ST6GALNAC3: variants seen among roughly 807,000 people sequenced by gnomAD.
ST6GALNAC3 encodes ST6 N-acetylgalactosaminide alpha-2,6-sialyltransferase 3.
In ST6GALNAC3, 25 loss-of-function variants were observed where a neutral mutation model predicts 32.7. The ratio of observed to expected loss-of-function variants is 0.76; its 90% confidence interval spans 0.56 to 1.07. ST6GALNAC3 has a LOEUF of 1.07. ST6GALNAC3 is among the 50% of genes least tolerant of loss of function. The pLI is 0.00. For missense variants in ST6GALNAC3, 355 were observed against 382.4 expected (o/e 0.93, Z 0.60); for synonymous variants, 129 against 133.1 (o/e 0.97, Z 0.21).
At chr1:76,423,170 A>G (rs565329707) in intron 3 of ST6GALNAC3, among the ~76,000 whole-genome samples, 1 of 152,132 alleles carries the variant, frequency 6.6e-6, no homozygotes, top group East Asian at 1.9e-4. Flanking sequence ...GCACTGTTTG[A>G]CAACTGCCAT....
intron 3 of ST6GALNAC3, chr1:76,577,130 T>C (rs1055204676): frequency 2.8e-6 from 3 of 1,065,918 alleles, no homozygotes; most frequent in Non-Finnish European, 3.4e-6. Flanking sequence ...GGTATGTAAA[T>C]ATTTTTAAAT....
At position 76,509,373 on chromosome 1, in the gene ST6GALNAC3, T is replaced by C. The variant is rs965181178; in HGVS notation, c.623+96956T>C. On this transcript the variant is annotated intron_variant, in intron 3 of 4. Transcript: ENST00000328299. The surrounding 1 kb of genome is among the most constrained non-coding windows in gnomAD (Gnocchi z 5.5). ...ACTTCATATTAAGAATGGGTGGAAA[T>C]TTATAATATTGGGGTTTGGCTGATG... Among the ~76,000 whole-genome samples the C allele has an allele frequency of 6.6e-6, 1 of 152,090 alleles. No individual in the cohort carries two copies. Among genetic ancestry groups the C allele is most frequent in the Non-Finnish European group, 1.5e-5 (1 of 68,018 alleles).
intron 3 of ST6GALNAC3, chr1:76,576,879 C>G (rs556779671): frequency 7.7e-6 from 10 of 1,304,728 alleles, no homozygotes; most frequent in Non-Finnish European, 1.0e-5. Flanking sequence ...ATTGATCGAA[C>G]AGCAACCACC....
intron 3 of ST6GALNAC3, among the ~76,000 whole-genome samples, chr1:76,418,114 G>A (rs898220394): frequency 6.6e-6 from 1 of 152,066 alleles, no homozygotes; most frequent in African/African-American, 2.4e-5. Context: ...CTATCTTTGG[G>A]GGTGACAGTT....
chr1:76,393,667 G>A (rs1273111206), intron 2 of ST6GALNAC3, among the ~76,000 whole-genome samples: 1 of 152,146 alleles, frequency 6.6e-6, no homozygotes. Context: ...TATAAGTCCT[G>A]AAGGGAATCC....
At chr1:76,181,159 C>T (rs1230826109) in intron 1 of ST6GALNAC3, among the ~76,000 whole-genome samples, 2 of 152,204 alleles carry the variant, frequency 1.3e-5, no homozygotes, top group Non-Finnish European at 2.9e-5. Context: ...ATGGTGGTGA[C>T]TGAACAGACA....
intron 1 of ST6GALNAC3, among the ~76,000 whole-genome samples, chr1:76,111,188 AATT>A (rs578001491): frequency 6.8e-4 from 104 of 152,290 alleles, no homozygotes; most frequent in African/African-American, 2.4e-3. Context: ...TTTTTGAGTG[AATT>A]ATTTTGTGAA....
At chr1:76,623,069 C>T (rs1216063706) in intron 3 of ST6GALNAC3, among the ~76,000 whole-genome samples, 1 of 151,880 alleles carries the variant, frequency 6.6e-6, no homozygotes, top group Non-Finnish European at 1.5e-5. Flanking sequence ...GACGAGGAAT[C>T]CCTGTATCCA....
intron 3 of ST6GALNAC3, among the ~76,000 whole-genome samples, chr1:76,567,493 A>G (rs1474247812): frequency 6.6e-6 from 1 of 152,204 alleles, no homozygotes; most frequent in African/African-American, 2.4e-5. Flanking sequence ...CTAACAAGAC[A>G]ATGTTATAAA....
intron 1 of ST6GALNAC3, among the ~76,000 whole-genome samples, chr1:76,220,350 T>G (rs1160828769): frequency 6.6e-6 from 1 of 152,212 alleles, no homozygotes; most frequent in Non-Finnish European, 1.5e-5. Flanking sequence ...TCCTCTTTGC[T>G]TACAGTTCTT....
intron 1 of ST6GALNAC3, among the ~76,000 whole-genome samples, chr1:76,179,380 A>G (rs916349375): frequency 3.3e-5 from 5 of 152,134 alleles, no homozygotes; most frequent in Non-Finnish European, 5.9e-5. Context: ...ATGTTAAAAT[A>G]GTGAATCCCT....
chr1:76,110,399 C>A (rs961859472), intron 1 of ST6GALNAC3, among the ~76,000 whole-genome samples: 1 of 152,238 alleles, frequency 6.6e-6, no homozygotes, highest in Non-Finnish European at 1.5e-5. Flanking sequence ...CAAAAACAAA[C>A]CTGCACAGTT....
intron 1 of ST6GALNAC3, among the ~76,000 whole-genome samples, chr1:76,220,195 T>A (rs1262888495): frequency 6.6e-6 from 1 of 152,188 alleles, no homozygotes; most frequent in African/African-American, 2.4e-5. Context: ...CAGAATAAAC[T>A]TTCTTGAATT....
At chr1:76,442,198 A>G (rs1309568831) in intron 3 of ST6GALNAC3, among the ~76,000 whole-genome samples, 1 of 152,146 alleles carries the variant, frequency 6.6e-6, no homozygotes, top group Non-Finnish European at 1.5e-5. Context: ...ATGATTAGTC[A>G]ACTCTAAATT....
chr1:76,342,950 TAA>T, intron 2 of ST6GALNAC3, among the ~76,000 whole-genome samples: 1 of 151,876 alleles, frequency 6.6e-6, no homozygotes, highest in Non-Finnish European at 1.5e-5. Context: ...TGACTTAAGT[TAA>T]TCTTATAGAT....
At chr1:76,287,088 A>G (rs1659825525) in intron 1 of ST6GALNAC3, among the ~76,000 whole-genome samples, 1 of 152,252 alleles carries the variant, frequency 6.6e-6, no homozygotes, top group South Asian at 2.1e-4. Flanking sequence ...CAAGTTTTAA[A>G]ACTAGAACTA....
chr1:76,532,753 A>G (rs1026864201), intron 3 of ST6GALNAC3, among the ~76,000 whole-genome samples: 1 of 152,190 alleles, frequency 6.6e-6, no homozygotes, highest in Admixed American at 6.5e-5. Context: ...AAGTATCTCC[A>G]TCTGACCATG....
intron 3 of ST6GALNAC3, among the ~76,000 whole-genome samples, chr1:76,435,981 C>A (rs943211011): frequency 6.6e-6 from 1 of 152,018 alleles, no homozygotes; most frequent in East Asian, 1.9e-4. Context: ...AAACAGTACA[C>A]ACTGCACCCA....
chr1:76,075,391 G>C (rs1221327831), intron 1 of ST6GALNAC3, among the ~76,000 whole-genome samples: 1 of 152,194 alleles, frequency 6.6e-6, no homozygotes, highest in Non-Finnish European at 1.5e-5. Flanking sequence ...TTAGGAATGA[G>C]TTTTCTATGA....
Sources: gnomAD v4.1 joint callset for allele counts (sites outside exome capture counted in the v4.1 genomes callset) on GRCh38, gnomAD v4.1.1 for gene constraint, Gnocchi (gnomAD v3.1) non-coding constraint, MANE v1.5 for transcripts, NCBI Gene and HGNC (gene_info 2026-07-23, HGNC 2026-07-21) for gene names.